Variants in PCDHA5 observed in about 807,000 individuals in gnomAD.
PCDHA5 encodes protocadherin alpha-5.
Under a neutral mutation model 61.6 loss-of-function variants are expected in PCDHA5, and 43 were observed. That is an observed-to-expected ratio of 0.70 (90% CI 0.55 to 0.90). The LOEUF (loss-of-function observed/expected upper bound fraction) is 0.90. PCDHA5 is among the 40% of genes least tolerant of loss of function. PCDHA5 has a pLI of 0.00. For missense variants in PCDHA5, 1,298 were observed against 1,222.7 expected (o/e 1.06, Z -0.92); for synonymous variants, 627 against 543.9 (o/e 1.15, Z -2.13).
Position 140,870,951 on chromosome 5 carries a change from C to T in PCDHA5, c.2352+46824C>T, listed in dbSNP as rs781985952. 6 of 1,613,558 alleles carry T rather than the reference C, an allele frequency of 3.7e-6. No individual in the cohort carries two copies. The Admixed American group carries it at 1.0e-4, about 27-fold the overall frequency. ...ATGAATTGCAGCCGGCGGCGGGCGGCTCGCGCATCCCGTTCCGCGTGGGGC... is the reference window on the plus strand; with the variant it reads ...ATGAATTGCAGCCGGCGGCGGGCGGTTCGCGCATCCCGTTCCGCGTGGGGC... On this transcript the variant is annotated intron_variant, in intron 1 of 3. Transcript: ENST00000529859.
Position 140,822,567 on chromosome 5 carries a change from C to A in PCDHA5, c.792C>A (p.Asn264Lys), listed in dbSNP as rs2150117321. Residue 264 changes from asparagine (N) to lysine (K), a missense_variant, in exon 1 of 4, where the codon AAC (asparagine) becomes AAA (lysine). By Grantham distance (94) the Asn-to-Lys change is moderately conservative (BLOSUM62 0). Coordinates refer to ENST00000529859, the MANE Select transcript of PCDHA5 (RefSeq NM_018908.3). ...APSGTLVIKL[N>K]ASDADEGINK... ...GTGGGACATTAGTTATTAAACTGAA[C>A]GCCTCAGATGCAGATGAGGGCATCA... 19 of 1,612,660 alleles carry A rather than the reference C, an allele frequency of 1.2e-5. No homozygotes were observed. The highest frequency in any genetic ancestry group is 2.2e-5 in the East Asian group (1 of 44,868).
chr5:140,975,202 T>G (rs143285430), intron 1 of PCDHA5, among the ~76,000 whole-genome samples: 4 of 152,352 alleles, frequency 2.6e-5, no homozygotes, highest in African/African-American at 7.2e-5. Flanking sequence ...TCCATCTTCA[T>G]GGCTGGCACT....
At chr5:140,993,310 A>G (rs1013688133) in intron 3 of PCDHA5, among the ~76,000 whole-genome samples, 2 of 152,038 alleles carry the variant, frequency 1.3e-5, no homozygotes, top group African/African-American at 4.8e-5. Context: ...CTCCAGGATA[A>G]TACCTTCTAA....
chr5:140,824,218 A>T, intron 1 of PCDHA5, 91 bp downstream of exon 1: 1 of 1,564,370 alleles, frequency 6.4e-7, no homozygotes. Flanking sequence ...TTTAAAAATT[A>T]TGTCTTAGTA....
In PCDHA5 at chr5:140,883,888, T is replaced by G. The variant is rs781919107; in HGVS notation, c.2352+59761T>G. ...AGTTCCAGGTGAGCGCGCGCGACTC[T>G]GGCGTGCCGCCTCTGGGCAGCAACG... On this transcript the variant is annotated intron_variant, in intron 1 of 3. Transcript: ENST00000529859. 33 of 1,612,942 alleles carry G rather than the reference T, an allele frequency of 2.0e-5. No individual in the cohort carries two copies. In the African/African-American group the frequency reaches 2.1e-4, roughly 10 times the overall value.
chr5:140,925,108 G>GGGAA (rs1299910272), intron 1 of PCDHA5, among the ~76,000 whole-genome samples: 1 of 124,780 alleles, frequency 8.0e-6, no homozygotes, highest in East Asian at 2.1e-4. Flanking sequence ...GAAGGAAGGA[G>GGGAA]GGAAGGAAGG....
chr5:140,890,635 C>G (rs1015207309), intron 1 of PCDHA5, among the ~76,000 whole-genome samples: 1 of 152,114 alleles, frequency 6.6e-6, no homozygotes, highest in Non-Finnish European at 1.5e-5. Flanking sequence ...AAGCATGTAT[C>G]CTTGATATAT....
intron 1 of PCDHA5, among the ~76,000 whole-genome samples, chr5:140,897,713 A>C (rs2066278692): frequency 1.3e-5 from 2 of 152,302 alleles, no homozygotes; most frequent in East Asian, 3.9e-4. Flanking sequence ...CAGTAATGGG[A>C]TGGCTGGGTC....
chr5:140,968,670 T>C lies in PCDHA5; in HGVS notation c.2353-10279T>C, dbSNP rs782754896. 23 of 1,614,180 alleles carry C rather than the reference T, an allele frequency of 1.4e-5. No homozygotes were observed. Among genetic ancestry groups the C allele is most frequent in the Non-Finnish European group, 1.8e-5 (21 of 1,180,034 alleles). On this transcript the variant is annotated intron_variant, in intron 1 of 3. Coordinates refer to ENST00000529859, the MANE Select transcript of PCDHA5 (RefSeq NM_018908.3). ...ACTTCTGACCTGGACCTCTTTAAGG[T>C]AGAGCTGCACACAGGAGAAATTAGG...
chr5:140,928,313 T>TG (rs1554205740), intron 1 of PCDHA5: 1 of 1,614,172 alleles, frequency 6.2e-7, no homozygotes, highest in Non-Finnish European at 8.5e-7. Flanking sequence ...GACCCCGACC[T>TG]GGGGAAGAAT....
At chr5:140,968,877 T>A in intron 1 of PCDHA5, 1 of 1,614,226 alleles carries the variant, frequency 6.2e-7, no homozygotes, top group South Asian at 1.1e-5. Flanking sequence ...TACTCTGAAA[T>A]TACCCTTTAT....
intron 1 of PCDHA5, among the ~76,000 whole-genome samples, chr5:140,939,948 A>C (rs2153644220): frequency 6.6e-6 from 1 of 152,296 alleles, no homozygotes; most frequent in Admixed American, 6.5e-5. Context: ...TACTGAGAAA[A>C]TTATGTTAAA....
chr5:140,864,396 G>A (rs2048459702), intron 1 of PCDHA5: 1 of 152,210 alleles, frequency 6.6e-6, no homozygotes, highest in Non-Finnish European at 1.5e-5. Context: ...CACAAATGGT[G>A]ATGAGCAGGG....
chr5:140,895,523 C>T (rs2065044928), intron 1 of PCDHA5, among the ~76,000 whole-genome samples: 1 of 152,068 alleles, frequency 6.6e-6, no homozygotes, highest in South Asian at 2.1e-4. Flanking sequence ...TTGGTTTATT[C>T]GTTTTTCAAT....
intron 1 of PCDHA5, chr5:140,836,066 C>A (rs2150251751): frequency 2.5e-6 from 4 of 1,613,652 alleles, no homozygotes; most frequent in Admixed American, 3.3e-5. Context: ...AGAACGACAA[C>A]GCGCCGGCAC....
At chr5:140,829,270 C>G (rs2150165007) in intron 1 of PCDHA5, 4 of 1,614,142 alleles carry the variant, frequency 2.5e-6, no homozygotes, top group African/African-American at 1.3e-5. Flanking sequence ...CGCCTCACGT[C>G]CCTTTCAAGC....
chr5:141,006,126 G>T (rs1554260581), intron 3 of PCDHA5, among the ~76,000 whole-genome samples: 1 of 151,330 alleles, frequency 6.6e-6, no homozygotes. Flanking sequence ...TTTTCTCAAG[G>T]CAGTAGAAAG....
chr5:140,928,185 C>T (rs371901224), intron 1 of PCDHA5: 1 of 1,614,064 alleles, frequency 6.2e-7, no homozygotes, highest in Non-Finnish European at 8.5e-7. Flanking sequence ...GAAGGACAAT[C>T]ACTGTGTCAG....
intron 1 of PCDHA5, chr5:140,966,420 G>C (rs2096000872): frequency 2.4e-6 from 1 of 421,302 alleles, no homozygotes; most frequent in South Asian, 1.0e-4. Flanking sequence ...AGCAGGACTT[G>C]CTGAGCCCTC....
Sources: gnomAD v4.1 joint callset for allele counts (sites outside exome capture counted in the v4.1 genomes callset) on GRCh38, gnomAD v4.1.1 for gene constraint, MANE v1.5 for transcripts, NCBI Gene and HGNC (gene_info 2026-07-23, HGNC 2026-07-21) for gene names.